DCC: variants seen among roughly 807,000 people sequenced by gnomAD.
DCC encodes DCC netrin 1 receptor.
A neutral mutation model predicts 172.5 loss-of-function variants in DCC; 58 were observed. The ratio of observed to expected loss-of-function variants is 0.34; its 90% CI spans 0.27 to 0.42. DCC has a LOEUF of 0.42. Among genes scored for constraint, DCC ranks in the 10% least tolerant of loss-of-function variants. DCC has a pLI of 1.00. For synonymous variants in DCC, 709 were observed against 644.5 expected, an observed-to-expected ratio of 1.10 and a Z score of -1.52; for missense variants, 1,740 against 1,791.0, an observed-to-expected ratio of 0.97 and a Z score of 0.51.
chr18:52,589,059 A>T (rs2033741521), intron 1 of DCC, among the ~76,000 whole-genome samples: 1 of 152,234 alleles, frequency 6.6e-6, no homozygotes, highest in South Asian at 2.1e-4. Context: ...AAGGAACAGG[A>T]CATGTCTCAT....
intron 2 of DCC, among the ~76,000 whole-genome samples, chr18:52,861,583 T>TTG (rs1408792523): frequency 1.3e-5 from 2 of 152,294 alleles, no homozygotes; most frequent in African/African-American, 4.8e-5. Flanking sequence ...CACCCAATTG[T>TTG]TGTAAGCTAT....
chr18:53,016,263 A>G (rs1287291918), intron 5 of DCC, among the ~76,000 whole-genome samples: 2 of 152,164 alleles, frequency 1.3e-5, no homozygotes, highest in Non-Finnish European at 2.9e-5. Context: ...CTATTCAACC[A>G]GAAAGGGAAA....
At chr18:53,527,528 A>C (rs955950384) in intron 28 of DCC, among the ~76,000 whole-genome samples, 1 of 152,048 alleles carries the variant, frequency 6.6e-6, no homozygotes, top group Non-Finnish European at 1.5e-5. Context: ...AAATAAAAAA[A>C]TTGAAGGAGT....
At chr18:52,564,812 A>G (rs2033120168) in intron 1 of DCC, among the ~76,000 whole-genome samples, 1 of 152,076 alleles carries the variant, frequency 6.6e-6, no homozygotes, top group Non-Finnish European at 1.5e-5. Context: ...GGAACCCAGT[A>G]GGAGGAGCTC....
intron 5 of DCC, among the ~76,000 whole-genome samples, chr18:52,930,699 GCTGT>G (rs1417914039): frequency 2.6e-5 from 4 of 152,064 alleles, no homozygotes; most frequent in Non-Finnish European, 5.9e-5. Flanking sequence ...TTGTGAATTT[GCTGT>G]CTTTTTTGAC....
chr18:52,352,409 G>A lies in DCC; in HGVS notation c.91+11531G>A, dbSNP rs546357316. On this transcript the variant is annotated intron_variant, in intron 1 of 28. Coordinates refer to ENST00000442544, the MANE Select transcript of DCC (RefSeq NM_005215.4). ...TCACATCATGGTTTAGTGGACCCTG[G>A]TCCCATGCCTTTGCTTGATTTAGAG... Among the ~76,000 whole-genome samples, 15 of 152,258 alleles carry A rather than the reference G, an allele frequency of 9.9e-5. No homozygotes were observed. The South Asian group carries it at 2.3e-3, about 23-fold the overall frequency.
intron 2 of DCC, among the ~76,000 whole-genome samples, chr18:52,895,074 C>T (rs1487186376): frequency 1.3e-5 from 2 of 152,028 alleles, no homozygotes; most frequent in African/African-American, 4.8e-5. Context: ...GGAAGAAGAA[C>T]CTTGATAAAA....
chr18:53,292,711 CAAAACAAA>C (rs2057020820), intron 12 of DCC, among the ~76,000 whole-genome samples: 2 of 151,958 alleles, frequency 1.3e-5, no homozygotes, highest in African/African-American at 4.8e-5. Flanking sequence ...AAAAACAAAA[CAAAACAAA>C]AAAACAAATC....
chr18:53,168,227 G>A (rs184908693), intron 8 of DCC, among the ~76,000 whole-genome samples: 26 of 152,076 alleles, frequency 1.7e-4, no homozygotes, highest in African/African-American at 6.3e-4. Context: ...TATACCCAAA[G>A]GATTATAAAT....
chr18:53,105,158 TA>T (rs2043226965), intron 7 of DCC, among the ~76,000 whole-genome samples: 1 of 152,040 alleles, frequency 6.6e-6, no homozygotes, highest in African/African-American at 2.4e-5. Flanking sequence ...ATGCTGTGAC[TA>T]AAAGGTTCTA....
At chr18:52,513,874 G>A (rs2031532699) in intron 1 of DCC, among the ~76,000 whole-genome samples, 1 of 152,166 alleles carries the variant, frequency 6.6e-6, no homozygotes, top group African/African-American at 2.4e-5. Context: ...CTGCAGCAGG[G>A]ATCAGGATGG....
At chr18:52,770,483 G>T (rs1432663062) in intron 2 of DCC, among the ~76,000 whole-genome samples, 3 of 152,260 alleles carry the variant, frequency 2.0e-5, no homozygotes, top group Non-Finnish European at 2.9e-5. Context: ...TATTTGTTTA[G>T]CACATGCCTT....
chr18:52,844,350 A>G (rs2038852729), intron 2 of DCC, among the ~76,000 whole-genome samples: 1 of 152,110 alleles, frequency 6.6e-6, no homozygotes, highest in African/African-American at 2.4e-5. Flanking sequence ...ATAGATAGAT[A>G]TAGATGTGAG....
At chr18:53,362,209 A>G (rs922425710) in intron 15 of DCC, among the ~76,000 whole-genome samples, 13 of 152,210 alleles carry the variant, frequency 8.5e-5, no homozygotes, top group Admixed American at 8.5e-4. Flanking sequence ...TTTGATCACA[A>G]CTGTAGGACT....
At chr18:52,784,044 G>A (rs1263416953) in intron 2 of DCC, among the ~76,000 whole-genome samples, 1 of 151,854 alleles carries the variant, frequency 6.6e-6, no homozygotes, top group African/African-American at 2.4e-5. Flanking sequence ...TATTCCAACT[G>A]CATATTTGTA....
chr18:53,236,998 G>A lies in DCC; in HGVS notation c.1911+21401G>A, dbSNP rs1399344274. The A allele has an allele frequency of 5.3e-5, 8 of 151,878 alleles. No homozygotes were observed. In the East Asian group the frequency reaches 1.5e-3, roughly 29 times the overall value. The allele number at this position is 151,878 out of a possible 1,614,324, so 9.4% of individuals were successfully genotyped here. A position where few individuals can be genotyped will look rare whatever the true frequency, so the allele number is the denominator to read the frequency against. On this transcript the variant is annotated intron_variant, in intron 12 of 28. Transcript: ENST00000442544. ...TCTTTATAGCTCATCTTGAAATCAA[G>A]CAGTATTAAGTACTCTAATATGGTT...
chr18:53,473,043 T>G (rs1364031972), intron 25 of DCC, among the ~76,000 whole-genome samples: 10 of 152,184 alleles, frequency 6.6e-5, no homozygotes, highest in Admixed American at 6.6e-4. Context: ...AGTGGATAGC[T>G]CAACCTAAGA....
intron 2 of DCC, among the ~76,000 whole-genome samples, chr18:52,792,399 G>A (rs1359490931): frequency 2.0e-5 from 3 of 152,172 alleles, no homozygotes; most frequent in Non-Finnish European, 4.4e-5. Flanking sequence ...AGGAAAGTTG[G>A]AGATCCTGTT....
rs376840450 is a variant in DCC, at chr18:52,470,672, A to G, written c.91+129794A>G. Among the ~76,000 whole-genome samples the G allele has an allele frequency of 6.5e-4, 99 of 152,328 alleles. 2 individuals are homozygous for G. The South Asian group carries it at 0.013, about 20-fold the overall frequency. ...GTCAGGAACCCCAGTGACTTCCTGT[A>G]CGAGTGTCCCCTTTTGTTTGCTAAA... On this transcript the variant is annotated intron_variant, in intron 1 of 28. Coordinates refer to ENST00000442544, the MANE Select transcript of DCC (RefSeq NM_005215.4).
Sources: allele counts gnomAD v4.1 joint callset (sites outside exome capture counted in the v4.1 genomes callset), GRCh38; gene constraint gnomAD v4.1.1; transcripts MANE v1.5; gene names NCBI Gene and HGNC (gene_info 2026-07-23, HGNC 2026-07-21).